ATP8B1: variants seen among roughly 807,000 people sequenced by gnomAD.
ATP8B1 encodes phospholipid-transporting ATPase IC.
Under a neutral mutation model 149.9 loss-of-function variants are expected in ATP8B1, and 80 were observed. That is an observed-to-expected ratio of 0.53 (90% CI 0.45 to 0.64). ATP8B1 has a LOEUF of 0.64. ATP8B1 is among the 30% of genes least tolerant of loss of function. The pLI is 0.00. For missense variants in ATP8B1, 1,247 were observed against 1,552.6 expected (o/e 0.80, Z 3.31); for synonymous variants, 536 against 562.8 (o/e 0.95, Z 0.67).
In ATP8B1 at chr18:57,673,223, G is replaced by A. The variant is rs534491871; in HGVS notation, c.1819+1611C>T. ...CCTGTGCTTTTTAAAAATATCAATGGATGAAAGATCAAAAAGAGATTGAAC... is the reference window on the plus strand; with the variant it reads ...CCTGTGCTTTTTAAAAATATCAATGAATGAAAGATCAAAAAGAGATTGAAC... On this transcript the variant is annotated intron_variant, in intron 16 of 27. Transcript: ENST00000648908. 5.9e-5 allele frequency among the ~76,000 whole-genome samples: 9 copies of A among 151,752 alleles called. No homozygotes were observed. The South Asian group carries it at 1.9e-3, about 32-fold the overall frequency.
chr18:57,694,126 GTCC>G (rs1047386763), intron 11 of ATP8B1, among the ~76,000 whole-genome samples: 24 of 152,238 alleles, frequency 1.6e-4, no homozygotes, highest in African/African-American at 5.5e-4. Context: ...GGTCTTGAGT[GTCC>G]TCGACATACT....
intron 1 of ATP8B1, among the ~76,000 whole-genome samples, chr18:57,791,342 TTTTCTTTTC>T (rs2080462015): frequency 7.6e-6 from 1 of 130,828 alleles, no homozygotes; most frequent in Non-Finnish European, 1.6e-5. Context: ...TTTCTTTTTC[TTTTCTTTTC>T]TTTTTTTTTT....
intron 22 of ATP8B1, among the ~76,000 whole-genome samples, chr18:57,658,648 TGTGTGTGTGTGTGTGTGTG>T (rs1306606548): frequency 1.3e-5 from 2 of 149,010 alleles, no homozygotes; most frequent in East Asian, 4.4e-4. Flanking sequence ...TGTGTGTGTG[TGTGTGTGTGTGTGTGTGTG>T]TTCTTTTTTG....
chr18:57,795,380 G>A (rs2080504314), intron 1 of ATP8B1, among the ~76,000 whole-genome samples: 1 of 152,012 alleles, frequency 6.6e-6, no homozygotes, highest in African/African-American at 2.4e-5. Flanking sequence ...TCCAGCCTGG[G>A]CAACAGAGTG....
chr18:57,687,504 G>C (rs949567077), intron 13 of ATP8B1, among the ~76,000 whole-genome samples: 2 of 152,106 alleles, frequency 1.3e-5, no homozygotes, highest in African/African-American at 4.8e-5. Context: ...GCAACCTCTG[G>C]CATAAACGAG....
At chr18:57,754,812 C>T (rs2080062309) in intron 1 of ATP8B1, among the ~76,000 whole-genome samples, 1 of 152,078 alleles carries the variant, frequency 6.6e-6, no homozygotes, top group Non-Finnish European at 1.5e-5. Flanking sequence ...AAAATGTCAC[C>T]CTAGTAGTGA....
chr18:57,674,742 C>T, intron 16 of ATP8B1, 92 bp downstream of exon 16: 1 of 1,434,896 alleles, frequency 7.0e-7, no homozygotes, highest in Non-Finnish European at 9.8e-7. Context: ...GTAGCTCTTT[C>T]ACTGGCTGCT....
At chr18:57,761,237 A>G (rs1266081564) in intron 1 of ATP8B1, among the ~76,000 whole-genome samples, 1 of 152,150 alleles carries the variant, frequency 6.6e-6, no homozygotes, top group Non-Finnish European at 1.5e-5. Flanking sequence ...CATTGCACCC[A>G]GACTGTGTTG....
At chr18:57,719,365 G>C (rs2079614873) in intron 2 of ATP8B1, among the ~76,000 whole-genome samples, 1 of 152,232 alleles carries the variant, frequency 6.6e-6, no homozygotes, top group African/African-American at 2.4e-5. Flanking sequence ...CATCTCACTA[G>C]GGAGTGCCAG....
intron 20 of ATP8B1, 142 bp from the exon 21 acceptor site, chr18:57,662,757 C>A: frequency 1.0e-6 from 1 of 981,638 alleles, no homozygotes; most frequent in South Asian, 1.6e-5. Flanking sequence ...ATTTTATTTT[C>A]ATTATAATTT....
chr18:57,774,679 T>C (rs2080292139), intron 1 of ATP8B1, among the ~76,000 whole-genome samples: 1 of 152,194 alleles, frequency 6.6e-6, no homozygotes, highest in Admixed American at 6.5e-5. Flanking sequence ...TTGCTTATTT[T>C]GTTTAGCTAC....
intron 15 of ATP8B1, among the ~76,000 whole-genome samples, chr18:57,680,281 A>C (rs1911870617): frequency 1.6e-5 from 1 of 62,892 alleles, no homozygotes; most frequent in South Asian, 5.6e-4. Flanking sequence ...CAGTCTCAAA[A>C]AAAAAAAAAA....
intron 15 of ATP8B1, among the ~76,000 whole-genome samples, chr18:57,681,580 C>T (rs1911974337): frequency 1.3e-5 from 2 of 152,114 alleles, no homozygotes; most frequent in Non-Finnish European, 2.9e-5. Flanking sequence ...GTGGGCAGAT[C>T]ACCTGAAATC....
intron 15 of ATP8B1, among the ~76,000 whole-genome samples, chr18:57,676,430 A>G (rs1343594662): frequency 6.6e-6 from 1 of 151,958 alleles, no homozygotes; most frequent in East Asian, 1.9e-4. Flanking sequence ...AGAAAAAAAA[A>G]CCACACAGGC....
intron 8 of ATP8B1, among the ~76,000 whole-genome samples, chr18:57,696,103 A>G (rs1912793454): frequency 6.6e-6 from 1 of 152,210 alleles, no homozygotes; most frequent in African/African-American, 2.4e-5. Context: ...CTGCCGTCTC[A>G]CGACTGAAGG....
chr18:57,668,856 A>G (rs1911059813), intron 18 of ATP8B1: 2 of 284,832 alleles, frequency 7.0e-6, no homozygotes, highest in African/African-American at 4.4e-5. Flanking sequence ...TAAACCGTAA[A>G]CCAGTTGCAA....
chr18:57,752,226 GATAATAATA>G (rs61423520), intron 1 of ATP8B1, among the ~76,000 whole-genome samples: 1 of 144,566 alleles, frequency 6.9e-6, no homozygotes, highest in South Asian at 2.2e-4. Flanking sequence ...TAATAATAAT[GATAATAATA>G]ATAATAATAA....
rs140623020 is a variant in ATP8B1, at chr18:57,756,081, T to C, written c.-25-24249A>G. On this transcript the variant is annotated intron_variant, in intron 1 of 27. Coordinates refer to ENST00000648908, the MANE Select transcript of ATP8B1 (RefSeq NM_001374385.1). ...GTTATCTAATAGTCTGATTTCGTCA[T>C]TGACCCAATGATGTCAGTTATAGTA... Among the ~76,000 whole-genome samples the C allele has an allele frequency of 7.0e-4, 106 of 151,096 alleles. 1 individual carries two copies. The highest frequency in any genetic ancestry group is 2.5e-3 in the African/African-American group (102 of 40,958).
chr18:57,750,656 C>T (rs1414418358), intron 1 of ATP8B1, among the ~76,000 whole-genome samples: 6 of 152,194 alleles, frequency 3.9e-5, no homozygotes, highest in Non-Finnish European at 7.3e-5. Flanking sequence ...CCCTACCCAT[C>T]CTCAGAGTCC....
Sources: allele counts gnomAD v4.1 joint callset (sites outside exome capture counted in the v4.1 genomes callset), GRCh38; gene constraint gnomAD v4.1.1; transcripts MANE v1.5; gene names NCBI Gene and HGNC (gene_info 2026-07-23, HGNC 2026-07-21).